Variants in DOC2B observed in about 807,000 individuals in gnomAD.
The protein encoded by DOC2B is double C2 domain beta, also known as double C2-like domain-containing protein beta.
Under a neutral mutation model 28.9 loss-of-function variants are expected in DOC2B, and 21 were observed. That is an observed-to-expected ratio of 0.73 (90% CI 0.52 to 1.05). The LOEUF is 1.05. Ranked by LOEUF, DOC2B falls within the 50% of genes least tolerant of loss-of-function variation. DOC2B has a pLI of 0.00. For missense variants in DOC2B, 384 were observed against 421.1 expected (o/e 0.91, Z 0.77); for synonymous variants, 194 against 178.1 (o/e 1.09, Z -0.71).
At chr17:180,977 G>C (rs2040434185) in intron 1 of DOC2B, 130 bp downstream of exon 1, 1 of 782,582 alleles carries the variant, frequency 1.3e-6, no homozygotes, top group Non-Finnish European at 1.7e-6. Flanking sequence ...CCGCAAGCCC[G>C]CGGCGGGGTT....
rs961996360 is a variant in DOC2B at position 147,552 on chromosome 17, G to T, written c.1128C>A (p.Ala376=). Residue 376 remains alanine, a synonymous_variant, in exon 9 of 9, where the codon GCC becomes GCA. Transcript: ENST00000613549. ...FIGGVVLGIH[A]KGERLKHWFD... ...ACCAGTGCTTCAGGCGCTCCCCCTT[G>T]GCGTGGATGCCCAGAACCACACCAC... 1.0e-5 allele frequency: 4 copies of T among 398,750 alleles called. No individual in the cohort carries two copies. The highest frequency in any genetic ancestry group is 1.8e-5 in the Non-Finnish European group (4 of 226,248). The allele number at this position is 398,750 out of a possible 1,614,324, so 24.7% of individuals were successfully genotyped here.
chr17:175,847 G>A (rs546514759), intron 1 of DOC2B, among the ~76,000 whole-genome samples: 42 of 152,314 alleles, frequency 2.8e-4, no homozygotes, highest in African/African-American at 9.9e-4. Context: ...AAGGAGGGCA[G>A]CGATCTTCTC....
intron 6 of DOC2B, among the ~76,000 whole-genome samples, chr17:153,658 G>A (rs1011476282): frequency 1.1e-4 from 16 of 151,442 alleles, no homozygotes; most frequent in Non-Finnish European, 1.6e-4. Context: ...CTGAGATCAC[G>A]CCACTGCACT....
At position 170,682 on chromosome 17, in the gene DOC2B, G is replaced by T. The variant is rs188062492; in HGVS notation, c.453+1855C>A. Among the ~76,000 whole-genome samples the T allele has an allele frequency of 5.1e-4, 77 of 152,306 alleles. No homozygotes were observed. In the Middle Eastern group the frequency reaches 0.014, roughly 27 times the overall value. On this transcript the variant is annotated intron_variant, in intron 2 of 8. Coordinates refer to ENST00000613549, the MANE Select transcript of DOC2B (RefSeq NM_003585.5). ...CCTTCCTCCCACAGGGAGCAATGGG[G>T]TGAGGGGAAGGGAACAGGACAGTTG...
At chr17:152,494 A>T (rs1235534392) in intron 6 of DOC2B, among the ~76,000 whole-genome samples, 1 of 152,166 alleles carries the variant, frequency 6.6e-6, no homozygotes, top group Non-Finnish European at 1.5e-5. Flanking sequence ...CTAGCTGGGC[A>T]TGGTGGCTTG....
At position 156,308 on chromosome 17, in the gene DOC2B, G is replaced by A. The variant is rs2040134712; in HGVS notation, c.835C>T (p.Gln279Ter). Residue 279 changes from glutamine (Q) to a stop codon, truncating the protein, a stop_gained, in exon 6 of 9, where the codon CAG (glutamine) becomes TAG (stop). Coordinates refer to ENST00000613549, the MANE Select transcript of DOC2B (RefSeq NM_003585.5). LOFTEE classifies it high-confidence loss of function. ...RILISLKYSS[Q>*]KQGLLVGIVR... ...ATGCCTACCAGCAGGCCTTGCTTCTGTGAGCTGTACTTGAGGGAGATGAGG... is the reference window on the plus strand; with the variant it reads ...ATGCCTACCAGCAGGCCTTGCTTCTATGAGCTGTACTTGAGGGAGATGAGG... 1.9e-6 allele frequency: 3 copies of A among 1,551,656 alleles called. No homozygotes were observed. Among genetic ancestry groups the A allele is most frequent in the Non-Finnish European group, 2.6e-6 (3 of 1,146,984 alleles).
chr17:175,760 G>A (rs1345579929), intron 1 of DOC2B, among the ~76,000 whole-genome samples: 5 of 152,198 alleles, frequency 3.3e-5, no homozygotes, highest in South Asian at 2.1e-4. Flanking sequence ...AAGACAGAGC[G>A]GCTGCCTGCT....
At chr17:168,928 C>T (rs1290356759) in intron 2 of DOC2B, among the ~76,000 whole-genome samples, 2 of 152,174 alleles carry the variant, frequency 1.3e-5, no homozygotes, top group East Asian at 1.9e-4. Flanking sequence ...ATGTCTTTAT[C>T]GGCAGCATGA....
At chr17:179,929 C>T (rs2151478883) in intron 1 of DOC2B, among the ~76,000 whole-genome samples, 1 of 152,392 alleles carries the variant, frequency 6.6e-6, no homozygotes, top group South Asian at 2.1e-4. Context: ...GATGGGGGGT[C>T]TGTGCCCCGG....
intron 2 of DOC2B, among the ~76,000 whole-genome samples, chr17:170,618 T>C (rs1159948415): frequency 6.6e-6 from 1 of 152,178 alleles, no homozygotes; most frequent in Non-Finnish European, 1.5e-5. Context: ...CTACTGGCCA[T>C]GCAGGCCCTT....
Position 181,014 on chromosome 17 carries a change from C to G in DOC2B, c.373+93G>C. ...TGAACCGAGGCAGAGCGCGAGCGCG[C>G]GAGGGGGACCGGCGGAGGGAAGCCG... On this transcript the variant is annotated intron_variant, in intron 1 of 8. Transcript: ENST00000613549. The surrounding 1 kb of genome is among the most constrained non-coding windows in gnomAD (Gnocchi z 7.0). The G allele has an allele frequency of 3.7e-6, 4 of 1,081,902 alleles. No individual in the cohort carries two copies. The African/African-American group carries it at 4.9e-5, about 13-fold the overall frequency. The allele number at this position is 1,081,902 out of a possible 1,614,324, so 67.0% of individuals were successfully genotyped here.
At chr17:151,354 T>C (rs1460311938) in intron 6 of DOC2B, among the ~76,000 whole-genome samples, 5 of 152,216 alleles carry the variant, frequency 3.3e-5, no homozygotes, top group South Asian at 2.1e-4. Context: ...GGACCAGATG[T>C]TTTGAATTTT....
In DOC2B at chr17:147,160, G is replaced by A. The variant is rs1004704977; in HGVS notation, c.*281C>T. The A allele has an allele frequency of 0.045, 15,174 of 337,604 alleles. 437 individuals are homozygous for A. The highest frequency in any genetic ancestry group is 0.066 in the Middle Eastern group (86 of 1,308). The allele number at this position is 337,604 out of a possible 1,614,324, so 20.9% of individuals were successfully genotyped here. On this transcript the variant is annotated 3_prime_UTR_variant, in exon 9 of 9. Transcript: ENST00000613549. ...GAAGGGTCTTTGCTCCCAGATGGGC[G>A]TGTCCCCTTCCCCTGGGCAGGTGCT...
chr17:178,583 G>A (rs1447350830), intron 1 of DOC2B, among the ~76,000 whole-genome samples: 1 of 152,240 alleles, frequency 6.6e-6, no homozygotes, highest in Non-Finnish European at 1.5e-5. Context: ...ACTGGGTCCT[G>A]CTCCTCATTG....
chr17:166,067 C>T (rs377419894), intron 2 of DOC2B, among the ~76,000 whole-genome samples: 96 of 152,254 alleles, frequency 6.3e-4, no homozygotes, highest in African/African-American at 1.8e-3. Flanking sequence ...CATGCTGGGA[C>T]GGGAGTGATG....
In DOC2B at chr17:181,347, G is replaced by T; in HGVS notation, c.133C>A (p.Pro45Thr). The change falls in exon 1 of 9, where the codon CCC (proline) becomes ACC (threonine). Residue 45 changes from proline (P) to threonine (T), a missense_variant. Transcript: ENST00000613549. The surrounding 1 kb of genome is among the most constrained non-coding windows in gnomAD (Gnocchi z 7.0). ...DYFPRFPRGL[P>T]PDAGPRAAAP... ...GCGGCTCGGGGCCCGGCGTCCGGGG[G>T]CAGGCCCCGCGGGAAGCGGGGGAAG... 1.8e-6 allele frequency: 2 copies of T among 1,130,276 alleles called. No homozygotes were observed. The highest frequency in any genetic ancestry group is 1.0e-4 in the East Asian group (2 of 19,526). 70.0% of individuals were successfully genotyped at this position (1,130,276 alleles called of 1,614,324 possible). A position where few individuals can be genotyped will look rare whatever the true frequency, so the allele number is the denominator to read the frequency against.
chr17:169,871 G>T (rs2040291647), intron 2 of DOC2B, among the ~76,000 whole-genome samples: 1 of 152,080 alleles, frequency 6.6e-6, no homozygotes, highest in African/African-American at 2.4e-5. Context: ...AGAAGGAACT[G>T]GGCCTCCCAC....
At position 162,208 on chromosome 17, in the gene DOC2B, GATCTT is replaced by G; in HGVS notation, c.529-23_529-19del. On this transcript the variant is annotated intron_variant, in intron 3 of 8. Transcript: ENST00000613549. Reference sequence around the variant, plus strand: ...TTATTTGCCTGGAGAAGAGAAAAATGATCTTATTAGCATCAAAGTGTGTATCAAAC... The same window carrying G: ...TTATTTGCCTGGAGAAGAGAAAAATGATTAGCATCAAAGTGTGTATCAAAC... The G allele has an allele frequency of 6.6e-7, 1 of 1,519,972 alleles. No homozygotes were observed. The highest frequency in any genetic ancestry group is 8.9e-7 in the Non-Finnish European group (1 of 1,118,304). The allele number at this position is 1,519,972 out of a possible 1,614,324, so 94.2% of individuals were successfully genotyped here. A position where few individuals can be genotyped will look rare whatever the true frequency, so the allele number is the denominator to read the frequency against.
intron 1 of DOC2B, among the ~76,000 whole-genome samples, chr17:173,295 T>A (rs1203142922): frequency 6.6e-6 from 1 of 152,112 alleles, no homozygotes; most frequent in South Asian, 2.1e-4. Context: ...CAATCACTCA[T>A]AGCAGCTGTG....
Sources: gnomAD v4.1 joint callset for allele counts (sites outside exome capture counted in the v4.1 genomes callset) on GRCh38, gnomAD v4.1.1 for gene constraint, Gnocchi (gnomAD v3.1) non-coding constraint, MANE v1.5 for transcripts, NCBI Gene and HGNC (gene_info 2026-07-23, HGNC 2026-07-21) for gene names.